Variants in MAPK10 observed in about 807,000 individuals in gnomAD.
The protein encoded by MAPK10 is mitogen-activated protein kinase 10, also known as JNK3 alpha protein kinase.
A neutral mutation model predicts 59.3 loss-of-function variants in MAPK10; 25 were observed. That is an observed-to-expected ratio of 0.42 (90% CI 0.31 to 0.59). The LOEUF is 0.59. Among genes scored for constraint, MAPK10 ranks in the 20% least tolerant of loss-of-function variants. MAPK10 has a pLI of 0.15. For missense variants in MAPK10, 351 were observed against 568.9 expected (o/e 0.62, Z 3.90); for synonymous variants, 190 against 200.5 (o/e 0.95, Z 0.44).
rs149918067 is a variant in MAPK10, at chr4:86,479,679, C to T, written c.-263+114231G>A. On this transcript the variant is annotated intron_variant, in intron 1 of 4. Coordinates refer to the MAPK10 transcript ENST00000502302. The stretch of plus-strand genomic sequence containing the variant: ...CTTAAAGTAAATAAATCATCTTTGC[C>T]GGCAGGGCTATGCTGAACTTCCTTA... 7.8e-3 allele frequency among the ~76,000 whole-genome samples: 1,188 copies of T among 152,160 alleles called. 11 individuals carry two copies. Among genetic ancestry groups the T allele is most frequent in the African/African-American group, 0.025 (1,018 of 41,494 alleles).
intron 2 of MAPK10, among the ~76,000 whole-genome samples, chr4:86,337,768 A>G (rs1722393074): frequency 6.6e-6 from 1 of 152,202 alleles, no homozygotes; most frequent in African/African-American, 2.4e-5. Flanking sequence ...GGCCAACTGA[A>G]TATCACCCAG....
chr4:86,573,967 C>T (rs1171238080), intron 1 of MAPK10, among the ~76,000 whole-genome samples: 4 of 152,106 alleles, frequency 2.6e-5, no homozygotes, highest in Non-Finnish European at 5.9e-5. Flanking sequence ...AGGTTAGTTA[C>T]ATATGTATAC....
chr4:86,344,101 AT>A (rs1328009424), intron 2 of MAPK10, among the ~76,000 whole-genome samples: 1 of 152,236 alleles, frequency 6.6e-6, no homozygotes, highest in African/African-American at 2.4e-5. Flanking sequence ...CAGTGGGCTC[AT>A]GTCTCTCTGC....
chr4:86,173,935 C>A (rs1291937350), intron 3 of MAPK10, among the ~76,000 whole-genome samples: 2 of 122,192 alleles, frequency 1.6e-5, no homozygotes, highest in African/African-American at 3.6e-5. Context: ...CATCTCACAC[C>A]AGTCAGAATG....
intron 4 of MAPK10, among the ~76,000 whole-genome samples, chr4:86,154,520 G>A (rs1411196968): frequency 6.6e-6 from 1 of 152,036 alleles, no homozygotes; most frequent in Non-Finnish European, 1.5e-5. Context: ...CATTTTCCTA[G>A]GTTACATGTG....
At chr4:86,447,667 T>C (rs1202394656) in intron 1 of MAPK10, among the ~76,000 whole-genome samples, 5 of 152,174 alleles carry the variant, frequency 3.3e-5, no homozygotes, top group African/African-American at 1.2e-4. Context: ...TTTTTTTTCT[T>C]TTTTGAATCT....
intron 1 of MAPK10, among the ~76,000 whole-genome samples, chr4:86,549,867 CAA>C (rs1400956566): frequency 1.6e-4 from 24 of 151,856 alleles, no homozygotes; most frequent in Admixed American, 1.5e-3. Context: ...AACAAACAAA[CAA>C]AACAATAAGG....
chr4:86,569,227 T>A (rs1578141209), intron 1 of MAPK10, among the ~76,000 whole-genome samples: 1 of 152,086 alleles, frequency 6.6e-6, no homozygotes, highest in South Asian at 2.1e-4. Flanking sequence ...ATCAAAGAAA[T>A]GCAAATTGAA....
intron 4 of MAPK10, among the ~76,000 whole-genome samples, chr4:86,132,866 C>A (rs1266718150): frequency 6.6e-6 from 1 of 152,102 alleles, no homozygotes; most frequent in Non-Finnish European, 1.5e-5. Context: ...TCAGGGCTCC[C>A]ACTGATTCTA....
chr4:86,343,664 T>C (rs1372485295), intron 2 of MAPK10, among the ~76,000 whole-genome samples: 1 of 152,130 alleles, frequency 6.6e-6, no homozygotes. Flanking sequence ...TTCCAAATAA[T>C]ATGAAGACAT....
intron 11 of MAPK10, among the ~76,000 whole-genome samples, chr4:86,049,578 G>C (rs188315259): frequency 5.9e-4 from 90 of 152,070 alleles, no homozygotes; most frequent in African/African-American, 2.1e-3. Context: ...GTTTAAAATA[G>C]TTCAATTACC....
intron 12 of MAPK10, among the ~76,000 whole-genome samples, chr4:86,029,871 A>C (rs776911334): frequency 5.9e-5 from 9 of 152,058 alleles, no homozygotes; most frequent in Admixed American, 2.0e-4. Context: ...CCAAAAACCA[A>C]ACACATTAAA....
chr4:86,259,424 T>C (rs1483949630), intron 2 of MAPK10, among the ~76,000 whole-genome samples: 1 of 152,146 alleles, frequency 6.6e-6, no homozygotes, highest in Non-Finnish European at 1.5e-5. Flanking sequence ...AACCTAGATT[T>C]ATATTTATAT....
chr4:86,235,701 T>C (rs1306707416), intron 2 of MAPK10, among the ~76,000 whole-genome samples: 8 of 152,110 alleles, frequency 5.3e-5, no homozygotes, highest in African/African-American at 1.9e-4. Flanking sequence ...ATAGTTACAA[T>C]ACTGTGAACA....
intron 13 of MAPK10, chr4:86,027,758 T>A (rs1751092385): frequency 6.6e-6 from 1 of 152,218 alleles, no homozygotes. Context: ...GATAAATGCA[T>A]ACAGTCTTCT....
chr4:86,042,776 AG>A (rs1410459097), intron 11 of MAPK10, among the ~76,000 whole-genome samples: 1 of 152,060 alleles, frequency 6.6e-6, no homozygotes, highest in Non-Finnish European at 1.5e-5. Context: ...ACAAAAAAAG[AG>A]GGGAAGAAAT....
chr4:86,294,022 G>A (rs1414739349), intron 2 of MAPK10, among the ~76,000 whole-genome samples: 1 of 152,170 alleles, frequency 6.6e-6, no homozygotes, highest in Non-Finnish European at 1.5e-5. Flanking sequence ...GGACAACCCA[G>A]AAGTGCGGAG....
At chr4:86,241,249 C>T (rs1583368568) in intron 2 of MAPK10, among the ~76,000 whole-genome samples, 1 of 152,252 alleles carries the variant, frequency 6.6e-6, no homozygotes, top group East Asian at 1.9e-4. Context: ...CCTGACCTTT[C>T]TCTCTGGCTG....
intron 9 of MAPK10, chr4:86,091,416 A>G (rs2053120288): frequency 6.6e-6 from 1 of 151,780 alleles, no homozygotes; most frequent in Admixed American, 6.6e-5. Context: ...CTATGTAAAC[A>G]GGAACTACTG....
Sources: allele counts gnomAD v4.1 joint callset (sites outside exome capture counted in the v4.1 genomes callset), GRCh38; gene constraint gnomAD v4.1.1; transcripts MANE v1.5; gene names NCBI Gene and HGNC (gene_info 2026-07-23, HGNC 2026-07-21).